CSMD3: variants seen among roughly 807,000 people sequenced by gnomAD.
CSMD3 encodes CUB and Sushi multiple domains 3.
CSMD3 carries 177 observed loss-of-function variants against 435.2 expected under a neutral mutation model. The ratio of observed to expected loss-of-function variants is 0.41; its 90% CI spans 0.36 to 0.46. CSMD3 has a LOEUF of 0.46. CSMD3 is among the 20% of genes least tolerant of loss of function. The probability of loss-of-function intolerance (pLI) is 0.34; values close to 1 mark genes in which losing one functional copy is unlikely to be tolerated. For missense variants in CSMD3, 4,265 were observed against 4,504.6 expected (o/e 0.95, Z 1.52); for synonymous variants, 1,656 against 1,520.5 (o/e 1.09, Z -2.07).
At chr8:112,275,313 C>T (rs528832731) in intron 59 of CSMD3, among the ~76,000 whole-genome samples, 56 of 152,072 alleles carry the variant, frequency 3.7e-4, no homozygotes, top group South Asian at 1.7e-3. Context: ...TTTGGGAGGC[C>T]GAGGCAGACG....
intron 67 of CSMD3, among the ~76,000 whole-genome samples, chr8:112,236,224 A>T (rs1813584380): frequency 6.6e-6 from 1 of 151,856 alleles, no homozygotes; most frequent in South Asian, 2.1e-4. Flanking sequence ...TTCATTATTA[A>T]TATTTATATG....
At chr8:113,160,904 T>C (rs2092026334) in intron 4 of CSMD3, among the ~76,000 whole-genome samples, 1 of 152,084 alleles carries the variant, frequency 6.6e-6, no homozygotes, top group Admixed American at 6.6e-5. Flanking sequence ...ATATGTGCTA[T>C]ATTCAAGGGG....
intron 9 of CSMD3, among the ~76,000 whole-genome samples, chr8:112,946,395 A>T (rs2083611397): frequency 6.6e-6 from 1 of 151,678 alleles, no homozygotes. Flanking sequence ...AATTTGTTTG[A>T]CTTTAAAGTG....
At chr8:112,784,408 T>A (rs994876119) in intron 13 of CSMD3, among the ~76,000 whole-genome samples, 1 of 151,432 alleles carries the variant, frequency 6.6e-6, no homozygotes, top group East Asian at 1.9e-4. Context: ...CTAAAATTCG[T>A]AGAAACAATA....
At chr8:113,159,198 T>C (rs992680294) in intron 4 of CSMD3, among the ~76,000 whole-genome samples, 1 of 151,974 alleles carries the variant, frequency 6.6e-6, no homozygotes, top group Non-Finnish European at 1.5e-5. Flanking sequence ...GTGTGATTTC[T>C]GATTTGTGCA....
rs778555238 is a variant in CSMD3, at chr8:112,492,675, G to T, written c.5092C>A (p.Arg1698=). 5 of 1,613,142 alleles carry T rather than the reference G, an allele frequency of 3.1e-6. No individual in the cohort carries two copies. The highest frequency in any genetic ancestry group is 1.7e-6 in the Non-Finnish European group (2 of 1,179,270). ...GFHLEYKAKL[R]ESCFDPGNIM... is the part of the protein sequence containing the mutation. ...TTGCCTGGATCAAAGCAGGACTCTCGCAGTTTTGCTGTAAAACAGTGTTAG... is the reference window on the plus strand; with the variant it reads ...TTGCCTGGATCAAAGCAGGACTCTCTCAGTTTTGCTGTAAAACAGTGTTAG... The change falls in exon 31 of 71, where the codon CGA becomes AGA. Residue 1698 remains arginine (R), a synonymous_variant. Coordinates refer to ENST00000297405, the MANE Select transcript of CSMD3 (RefSeq NM_198123.2).
At chr8:113,408,809 C>T (rs1362025390) in intron 1 of CSMD3, among the ~76,000 whole-genome samples, 2 of 151,786 alleles carry the variant, frequency 1.3e-5, no homozygotes, top group African/African-American at 4.8e-5. Flanking sequence ...GGACTACAGG[C>T]GTGTGCCACC....
chr8:113,390,009 G>C (rs1232241776), intron 1 of CSMD3, among the ~76,000 whole-genome samples: 2 of 151,668 alleles, frequency 1.3e-5, no homozygotes, highest in African/African-American at 4.8e-5. Context: ...AGACTCCATT[G>C]TTATACTGCA....
intron 13 of CSMD3, among the ~76,000 whole-genome samples, chr8:112,798,956 A>G (rs955408113): frequency 9.9e-5 from 15 of 151,836 alleles, no homozygotes; most frequent in African/African-American, 3.6e-4. Context: ...CAATATTTCC[A>G]AGTAACAAAT....
chr8:113,413,826 C>T (rs956746423), intron 1 of CSMD3, among the ~76,000 whole-genome samples: 10 of 152,106 alleles, frequency 6.6e-5, no homozygotes, highest in African/African-American at 2.4e-4. Context: ...TTTATTCACT[C>T]TTTCTTCCAA....
intron 14 of CSMD3, 57 bp from the exon 15 acceptor site, chr8:112,685,789 T>C (rs2131806921): frequency 9.1e-7 from 1 of 1,095,578 alleles, no homozygotes; most frequent in Non-Finnish European, 1.4e-6. Flanking sequence ...ATATTTCATC[T>C]TATTTTGTCA....
chr8:112,390,081 C>T (rs1306984611), intron 36 of CSMD3, among the ~76,000 whole-genome samples: 2 of 152,122 alleles, frequency 1.3e-5, no homozygotes, highest in Admixed American at 1.3e-4. Flanking sequence ...TTTATTTGAG[C>T]CAAATCATAG....
chr8:113,168,435 C>T (rs573411232), intron 4 of CSMD3, among the ~76,000 whole-genome samples: 4 of 142,482 alleles, frequency 2.8e-5, no homozygotes, highest in South Asian at 2.3e-4. Flanking sequence ...GCAGGAGAAT[C>T]GCTTGAACCT....
intron 32 of CSMD3, among the ~76,000 whole-genome samples, chr8:112,411,746 A>C (rs1811376738): frequency 6.6e-6 from 1 of 152,064 alleles, no homozygotes; most frequent in African/African-American, 2.4e-5. Context: ...CTGTCTGTAA[A>C]TGTCTTAATT....
chr8:112,688,937 A>T lies in CSMD3; in HGVS notation c.2155+931T>A, dbSNP rs568547119. Reference sequence around the variant, plus strand: ...ATTTTTGATGTGATATATTACACTAATGGATTCTCCAGTATTAAGCCAACG... The same window carrying T: ...ATTTTTGATGTGATATATTACACTATTGGATTCTCCAGTATTAAGCCAACG... On this transcript the variant is annotated intron_variant, in intron 14 of 70. Coordinates refer to ENST00000297405, the MANE Select transcript of CSMD3 (RefSeq NM_198123.2). Among the ~76,000 whole-genome samples the T allele has an allele frequency of 2.1e-3, 316 of 152,180 alleles. 1 individual carries two copies. Among genetic ancestry groups the T allele is most frequent in the African/African-American group, 7.3e-3 (304 of 41,552 alleles).
chr8:112,438,140 C>A (rs1814583516), intron 32 of CSMD3, among the ~76,000 whole-genome samples: 1 of 152,084 alleles, frequency 6.6e-6, no homozygotes, highest in South Asian at 2.1e-4. Flanking sequence ...TCATTCCATT[C>A]ACCTTGAAAT....
chr8:112,458,209 T>TCTCACACACACACACA lies in CSMD3; in HGVS notation c.5395+14381_5395+14382insTGTGTGTGTGTGTGAG, dbSNP rs1554579442. ...TTCAAATACGTACACACACACACACTCACACCCACACACACACAGAGAAAC... is the reference window on the plus strand; with the variant it reads ...TTCAAATACGTACACACACACACACTCTCACACACACACACACACACCCACACACACACAGAGAAAC... On this transcript the variant is annotated intron_variant, in intron 32 of 70. Coordinates refer to ENST00000297405, the MANE Select transcript of CSMD3 (RefSeq NM_198123.2). Among the ~76,000 whole-genome samples, 70 of 68,370 alleles carry TCTCACACACACACACA rather than the reference T, an allele frequency of 1.0e-3. 1 individual carries two copies. The highest frequency in any genetic ancestry group is 4.5e-3 in the Admixed American group (29 of 6,424). The allele number at this position is 68,370 out of a possible 152,430, so 44.9% of individuals were successfully genotyped here.
At position 112,904,654 on chromosome 8, in the gene CSMD3, A is replaced by T. The variant is rs140486649; in HGVS notation, c.1633+16973T>A. Among the ~76,000 whole-genome samples the T allele has an allele frequency of 4.0e-5, 6 of 151,450 alleles. No homozygotes were observed. In the East Asian group the frequency reaches 1.2e-3, roughly 30 times the overall value. ...AGTCTCTGATTTATTAGCTGAAGTG[A>T]TCAATGATGCCACCTCGGTTCTGGA... On this transcript the variant is annotated intron_variant, in intron 10 of 70. Transcript: ENST00000297405.
chr8:112,464,160 C>A (rs1817720411), intron 32 of CSMD3, among the ~76,000 whole-genome samples: 1 of 151,660 alleles, frequency 6.6e-6, no homozygotes, highest in Admixed American at 6.6e-5. Context: ...ATGGAGTGAA[C>A]CCAGGAGGCA....
Sources: gnomAD v4.1 joint callset for allele counts (sites outside exome capture counted in the v4.1 genomes callset) on GRCh38, gnomAD v4.1.1 for gene constraint, MANE v1.5 for transcripts, NCBI Gene and HGNC (gene_info 2026-07-23, HGNC 2026-07-21) for gene names.